The following IMMP2L variants were observed in gnomAD, a reference collection of about 807,000 sequenced individuals.
IMMP2L encodes mitochondrial inner membrane protease subunit 2.
In IMMP2L, 18 loss-of-function variants were observed where a neutral mutation model predicts 19.3. The ratio of observed to expected loss-of-function variants is 0.93; its 90% CI spans 0.64 to 1.38. IMMP2L has a LOEUF of 1.38. Among genes scored for constraint, IMMP2L ranks in the 40% most tolerant of loss-of-function variants. The pLI is 0.00. For missense variants in IMMP2L, 233 were observed against 218.2 expected, an observed-to-expected ratio of 1.07 and a Z score of -0.43; for synonymous variants, 76 against 73.0, an observed-to-expected ratio of 1.04 and a Z score of -0.21.
intron 3 of IMMP2L, among the ~76,000 whole-genome samples, chr7:111,297,804 C>T (rs1287689963): frequency 6.6e-6 from 1 of 151,950 alleles, no homozygotes; most frequent in East Asian, 1.9e-4. Flanking sequence ...AGAAACCAGA[C>T]TCAAAAAGTG....
intron 3 of IMMP2L, among the ~76,000 whole-genome samples, chr7:111,163,549 T>C (rs1043210627): frequency 1.3e-5 from 2 of 152,172 alleles, no homozygotes; most frequent in African/African-American, 2.4e-5. Context: ...GTCATCTGTA[T>C]GTCTCTGCCT....
Position 111,421,338 on chromosome 7 carries a change from C to T in IMMP2L, c.239+65900G>A, listed in dbSNP as rs527375622. Among the ~76,000 whole-genome samples the T allele has an allele frequency of 4.8e-4, 69 of 142,750 alleles. No individual in the cohort carries two copies. In the East Asian group the frequency reaches 0.011, roughly 23 times the overall value. The allele number at this position is 142,750 out of a possible 152,430, so 93.6% of individuals were successfully genotyped here. On this transcript the variant is annotated intron_variant, in intron 3 of 5. Transcript: ENST00000405709. ...AGGTGGGAGTGCAGTGGCGCAATCT[C>T]GGCTCACTGCAAGCTCCGCCTCCCG...
chr7:110,968,735 C>G (rs899544320), intron 3 of IMMP2L, among the ~76,000 whole-genome samples: 1 of 152,102 alleles, frequency 6.6e-6, no homozygotes, highest in Non-Finnish European at 1.5e-5. Context: ...GCTTGTTTCA[C>G]AAATGTGTAG....
chr7:111,092,639 C>T (rs946313438), intron 3 of IMMP2L, among the ~76,000 whole-genome samples: 8 of 152,142 alleles, frequency 5.3e-5, no homozygotes, highest in Admixed American at 2.6e-4. Context: ...CAGAATTACT[C>T]TCAGTAAACT....
intron 3 of IMMP2L, among the ~76,000 whole-genome samples, chr7:111,398,192 T>A (rs1291035580): frequency 3.9e-5 from 6 of 152,066 alleles, no homozygotes; most frequent in African/African-American, 1.4e-4. Flanking sequence ...AACTACTGAC[T>A]GATATCCTTG....
chr7:110,886,690 A>G lies in IMMP2L; in HGVS notation c.311T>C (p.Ile104Thr), dbSNP rs759593750. 9 of 1,548,064 alleles carry G rather than the reference A, an allele frequency of 5.8e-6. No homozygotes were observed. Among genetic ancestry groups the G allele is most frequent in the South Asian group, 1.1e-5 (1 of 89,532 alleles). The change falls in exon 5 of 6, where the codon ATA becomes ACA. Residue 104 changes from isoleucine to threonine, a missense_variant. Transcript: ENST00000405709. Reference protein sequence around the residue: ...IALEGDIVRTIGHKNRYVKVP... With the variant: ...IALEGDIVRTTGHKNRYVKVP... ...TTTGACATACCGGTTTTTGTGTCCT[A>G]TGGTTCTGGAAATAAACAGTGTAAC...
intron 5 of IMMP2L, among the ~76,000 whole-genome samples, chr7:110,856,531 T>C (rs755190743): frequency 6.6e-6 from 1 of 151,920 alleles, no homozygotes; most frequent in Non-Finnish European, 1.5e-5. Context: ...TACAAATTCA[T>C]GAAAAAGGAA....
At chr7:111,291,426 G>A (rs1208637243) in intron 3 of IMMP2L, among the ~76,000 whole-genome samples, 1 of 152,148 alleles carries the variant, frequency 6.6e-6, no homozygotes, top group African/African-American at 2.4e-5. Flanking sequence ...CTACCATCCA[G>A]TCTTACTTTT....
chr7:110,963,608 T>C (rs1398584708), intron 3 of IMMP2L, 43 bp from the exon 4 acceptor site: 1 of 1,253,230 alleles, frequency 8.0e-7, no homozygotes, highest in Non-Finnish European at 1.1e-6. Flanking sequence ...TATGTCTATG[T>C]TGTTTTAGGA....
chr7:110,841,492 G>T (rs138534897), intron 5 of IMMP2L, among the ~76,000 whole-genome samples: 1 of 151,886 alleles, frequency 6.6e-6, no homozygotes, highest in South Asian at 2.1e-4. Context: ...AACTAATAAG[G>T]CTAATCTAGA....
intron 3 of IMMP2L, among the ~76,000 whole-genome samples, chr7:111,130,690 G>T (rs925100328): frequency 6.6e-6 from 1 of 151,988 alleles, no homozygotes; most frequent in East Asian, 1.9e-4. Context: ...CTCAAGGCTG[G>T]TAAAGACAGA....
chr7:110,874,177 C>A (rs1808829903), intron 5 of IMMP2L, among the ~76,000 whole-genome samples: 1 of 152,006 alleles, frequency 6.6e-6, no homozygotes, highest in Non-Finnish European at 1.5e-5. Context: ...GGCAAAGGAT[C>A]ATGGTAATAG....
intron 2 of IMMP2L, among the ~76,000 whole-genome samples, chr7:111,490,242 A>T (rs1373870846): frequency 2.0e-5 from 3 of 150,948 alleles, no homozygotes; most frequent in Non-Finnish European, 4.4e-5. Flanking sequence ...ACAGGTCTAC[A>T]AGTGCATACC....
chr7:110,739,584 A>T (rs1451027270), intron 5 of IMMP2L, among the ~76,000 whole-genome samples: 1 of 152,194 alleles, frequency 6.6e-6, no homozygotes, highest in Non-Finnish European at 1.5e-5. Flanking sequence ...TAGACCTAGA[A>T]ATGAGATAGA....
intron 3 of IMMP2L, among the ~76,000 whole-genome samples, chr7:111,121,210 T>A (rs1214226623): frequency 1.3e-5 from 2 of 152,068 alleles, no homozygotes; most frequent in Admixed American, 6.6e-5. Context: ...GTTGTTTGTT[T>A]TTTTCTTGTA....
intron 3 of IMMP2L, among the ~76,000 whole-genome samples, chr7:111,186,698 T>C (rs1808305905): frequency 6.6e-6 from 1 of 152,098 alleles, no homozygotes; most frequent in South Asian, 2.1e-4. Context: ...CCCAGAGTGT[T>C]GGGATTACAG....
intron 5 of IMMP2L, among the ~76,000 whole-genome samples, chr7:110,812,210 C>A (rs974911921): frequency 6.6e-6 from 1 of 151,994 alleles, no homozygotes; most frequent in African/African-American, 2.4e-5. Flanking sequence ...AGCAACAGAT[C>A]TGCCCTAAAT....
intron 5 of IMMP2L, among the ~76,000 whole-genome samples, chr7:110,738,949 T>C (rs942998383): frequency 3.3e-5 from 5 of 152,222 alleles, no homozygotes; most frequent in Admixed American, 3.3e-4. Context: ...AAGAATTTTG[T>C]ATCTAGTGAA....
intron 3 of IMMP2L, among the ~76,000 whole-genome samples, chr7:110,967,967 A>G (rs1819727344): frequency 6.6e-6 from 1 of 152,074 alleles, no homozygotes; most frequent in Admixed American, 6.6e-5. Flanking sequence ...GCTTTGGAGT[A>G]TATCTGGCTC....
Sources: gnomAD v4.1 joint callset for allele counts (sites outside exome capture counted in the v4.1 genomes callset) on GRCh38, gnomAD v4.1.1 for gene constraint, MANE v1.5 for transcripts, NCBI Gene and HGNC (gene_info 2026-07-23, HGNC 2026-07-21) for gene names.